ZNF609: variants seen among roughly 807,000 people sequenced by gnomAD.
ZNF609 encodes the protein zinc finger protein 609.
A neutral mutation model predicts 109.5 loss-of-function variants in ZNF609; 11 were observed. That is an observed-to-expected ratio of 0.10 (90% confidence interval 0.06 to 0.17). The LOEUF (loss-of-function observed/expected upper bound fraction) is 0.17. ZNF609 is among the 10% of genes least tolerant of loss of function. The pLI, the probability that ZNF609 is intolerant of heterozygous loss-of-function variation, is 1.00. For synonymous variants in ZNF609, 646 were observed against 662.0 expected (o/e 0.98, Z 0.37); for missense variants, 1,559 against 1,772.4 (o/e 0.88, Z 2.16).
intron 1 of ZNF609, among the ~76,000 whole-genome samples, chr15:64,495,671 CCA>C: frequency 6.6e-6 from 1 of 151,862 alleles, no homozygotes; most frequent in South Asian, 2.1e-4. Flanking sequence ...AGGTGGAGGC[CCA>C]GAAGTGCTGG....
intron 2 of ZNF609, among the ~76,000 whole-genome samples, chr15:64,622,247 A>C (rs528999216): frequency 6.6e-6 from 1 of 152,298 alleles, no homozygotes; most frequent in African/African-American, 2.4e-5. Context: ...CTATAACTTT[A>C]TTCCTTCTAG....
At chr15:64,660,213 A>G (rs1031978734) in intron 3 of ZNF609, among the ~76,000 whole-genome samples, 17 of 152,146 alleles carry the variant, frequency 1.1e-4, no homozygotes, top group African/African-American at 2.2e-4. Context: ...TATCAGTCCA[A>G]TAAACAACCT....
chr15:64,474,880 A>G (rs902135108), intron 1 of ZNF609, among the ~76,000 whole-genome samples: 12 of 152,294 alleles, frequency 7.9e-5, no homozygotes, highest in African/African-American at 2.9e-4. Flanking sequence ...ACATAGGTCA[A>G]TATTCAAGGT....
chr15:64,577,906 A>G (rs1895028665), intron 2 of ZNF609, among the ~76,000 whole-genome samples: 1 of 151,726 alleles, frequency 6.6e-6, no homozygotes, highest in African/African-American at 2.4e-5. Context: ...CTGTAACCCA[A>G]CACTTTAGGA....
intron 3 of ZNF609, chr15:64,631,387 G>A: frequency 4.1e-6 from 3 of 727,230 alleles, no homozygotes; most frequent in South Asian, 2.7e-5. Flanking sequence ...CAGCGTGCTG[G>A]GGGACACTGT....
At chr15:64,510,743 C>T (rs1893712778) in intron 2 of ZNF609, among the ~76,000 whole-genome samples, 1 of 151,488 alleles carries the variant, frequency 6.6e-6, no homozygotes, top group South Asian at 2.1e-4. Context: ...CAGGTTTTAC[C>T]CTAAAATGTT....
intron 2 of ZNF609, among the ~76,000 whole-genome samples, chr15:64,579,848 G>GAGAAAAA (rs1895067915): frequency 6.6e-6 from 1 of 152,074 alleles, no homozygotes; most frequent in Non-Finnish European, 1.5e-5. Context: ...AGTCAGATAT[G>GAGAAAAA]AGAAAAAAGT....
In ZNF609 at chr15:64,499,478, C is replaced by T; in HGVS notation, c.59C>T (p.Thr20Ile). Residue 20 changes from threonine (T) to isoleucine (I), a missense_variant, in exon 2 of 10, where the codon ACA (threonine) becomes ATA (isoleucine). By Grantham distance (89) the Thr-to-Ile change is moderately conservative. Around this residue, in one of 4 missense-constraint regions of ZNF609, gnomAD observed 26 missense variants for 58.4 expected, o/e 0.44. Coordinates refer to ENST00000326648, the MANE Select transcript of ZNF609 (RefSeq NM_015042.2). ...GGAGTGGATGCAAACCCGGTTGAGA[C>T]ATACGACAGTGGGGATGAATGGGAC... Reference protein sequence around the residue: ...GKGVDANPVETYDSGDEWDIG... With the variant: ...GKGVDANPVEIYDSGDEWDIG... The T allele has an allele frequency of 6.2e-7, 1 of 1,614,052 alleles. No homozygotes were observed. Among genetic ancestry groups the T allele is most frequent in the Non-Finnish European group, 8.5e-7 (1 of 1,180,032 alleles).
intron 3 of ZNF609, among the ~76,000 whole-genome samples, chr15:64,638,835 G>T (rs1200355673): frequency 6.6e-5 from 10 of 152,176 alleles, no homozygotes; most frequent in Admixed American, 6.5e-4. Flanking sequence ...GGCTGAGGCT[G>T]CAGTGAGCTG....
At chr15:64,514,801 G>A (rs1465895415) in intron 2 of ZNF609, among the ~76,000 whole-genome samples, 1 of 152,068 alleles carries the variant, frequency 6.6e-6, no homozygotes, top group East Asian at 1.9e-4. Flanking sequence ...ACCACACCTG[G>A]CTAGTTGTTG....
intron 2 of ZNF609, among the ~76,000 whole-genome samples, chr15:64,525,717 C>T (rs1251390221): frequency 3.9e-5 from 6 of 152,000 alleles, no homozygotes; most frequent in African/African-American, 7.2e-5. Flanking sequence ...GATGTCTTTC[C>T]ATTTATTTAT....
intron 1 of ZNF609, among the ~76,000 whole-genome samples, chr15:64,478,410 G>T (rs1420872432): frequency 1.3e-5 from 2 of 151,786 alleles, no homozygotes; most frequent in African/African-American, 4.8e-5. Context: ...TCACTCTGTT[G>T]CCCAGGCTGT....
At chr15:64,584,475 A>G (rs1054113824) in intron 2 of ZNF609, among the ~76,000 whole-genome samples, 4 of 151,750 alleles carry the variant, frequency 2.6e-5, no homozygotes, top group Non-Finnish European at 5.9e-5. Context: ...TCATTTTTGT[A>G]TTTTTAGTAG....
At chr15:64,515,589 A>G (rs74019257) in intron 2 of ZNF609, among the ~76,000 whole-genome samples, 1 of 152,128 alleles carries the variant, frequency 6.6e-6, no homozygotes, top group African/African-American at 2.4e-5. Context: ...GATAGAGGAG[A>G]CTTAAAGGCT....
At chr15:64,547,773 C>T (rs184797228) in intron 2 of ZNF609, among the ~76,000 whole-genome samples, 1 of 152,202 alleles carries the variant, frequency 6.6e-6, no homozygotes, top group African/African-American at 2.4e-5. Flanking sequence ...AAAAAACTCC[C>T]TGTTTAAATT....
intron 2 of ZNF609, among the ~76,000 whole-genome samples, chr15:64,512,315 A>T (rs1312550680): frequency 2.6e-5 from 4 of 152,150 alleles, no homozygotes; most frequent in Non-Finnish European, 5.9e-5. Flanking sequence ...TTATGAGTAG[A>T]TATATTTGCC....
At chr15:64,488,637 T>C (rs1056607181) in intron 1 of ZNF609, among the ~76,000 whole-genome samples, 6 of 152,218 alleles carry the variant, frequency 3.9e-5, no homozygotes, top group Non-Finnish European at 7.3e-5. Flanking sequence ...AAGTTTTCTT[T>C]GTCCCCTCAG....
intron 7 of ZNF609, 79 bp from the exon 8 acceptor site, chr15:64,680,567 G>GTT: frequency 8.0e-7 from 1 of 1,257,438 alleles, no homozygotes; most frequent in Non-Finnish European, 1.1e-6. Flanking sequence ...TCACTTGTGT[G>GTT]TGTGTGTGTG....
intron 2 of ZNF609, among the ~76,000 whole-genome samples, chr15:64,620,760 A>G (rs1595741724): frequency 1.3e-5 from 2 of 152,338 alleles, no homozygotes; most frequent in Middle Eastern, 3.4e-3. Context: ...TGATCTACAA[A>G]TAGTGATGAC....
Sources: allele counts gnomAD v4.1 joint callset (sites outside exome capture counted in the v4.1 genomes callset), GRCh38; gene constraint gnomAD v4.1.1; regional missense constraint gnomAD v4.1.1; transcripts MANE v1.5; gene names NCBI Gene and HGNC (gene_info 2026-07-23, HGNC 2026-07-21).